CADPS: variants seen among roughly 807,000 people sequenced by gnomAD.
CADPS encodes calcium-dependent secretion activator 1.
A neutral mutation model predicts 167.3 loss-of-function variants in CADPS; 57 were observed. The ratio of observed to expected loss-of-function variants is 0.34; its 90% CI spans 0.28 to 0.42. CADPS has a LOEUF of 0.42. Ranked by LOEUF, CADPS falls within the 20% of genes least tolerant of loss-of-function variation. CADPS has a pLI of 1.00. For synonymous variants in CADPS, 676 were observed against 635.3 expected (o/e 1.06, Z -0.96); for missense variants, 1,414 against 1,738.1 (o/e 0.81, Z 3.32).
intron 1 of CADPS, among the ~76,000 whole-genome samples, chr3:62,843,250 TTAA>T (rs1342003420): frequency 6.6e-6 from 1 of 152,188 alleles, no homozygotes; most frequent in Non-Finnish European, 1.5e-5. Flanking sequence ...TCAGTGAAGG[TTAA>T]TAATATTAAA....
intron 3 of CADPS, among the ~76,000 whole-genome samples, chr3:62,737,009 C>T (rs779912774): frequency 9.9e-5 from 15 of 151,760 alleles, no homozygotes; most frequent in African/African-American, 1.5e-4. Context: ...CATGGTGGCA[C>T]GTGCTGTAGT....
chr3:62,631,778 C>T (rs2065318938), intron 6 of CADPS, among the ~76,000 whole-genome samples: 1 of 152,100 alleles, frequency 6.6e-6, no homozygotes, highest in Admixed American at 6.5e-5. Flanking sequence ...TAATTCCAGG[C>T]TCATATTTAA....
Position 62,768,126 on chromosome 3 carries a change from T to C in CADPS, c.442-2142A>G, listed in dbSNP as rs117859787. Reference sequence around the variant, plus strand: ...GCAGAGCACATATTGATATGTGAAATTGAAGAGAAAATCACAGTTATTTTT... The same window carrying C: ...GCAGAGCACATATTGATATGTGAAACTGAAGAGAAAATCACAGTTATTTTT... On this transcript the variant is annotated intron_variant, in intron 1 of 29. Coordinates refer to ENST00000383710, the MANE Select transcript of CADPS (RefSeq NM_003716.4). Among the ~76,000 whole-genome samples the C allele has an allele frequency of 5.7e-3, 873 of 152,306 alleles. 26 individuals are homozygous for C. In the East Asian group the frequency reaches 0.091, roughly 16 times the overall value.
rs967893008 is a variant in CADPS at position 62,842,863 on chromosome 3, T to G, written c.441+31726A>C. 3.3e-5 allele frequency among the ~76,000 whole-genome samples: 5 copies of G among 152,346 alleles called. No homozygotes were observed. In the East Asian group the frequency reaches 9.6e-4, roughly 29 times the overall value. On this transcript the variant is annotated intron_variant, in intron 1 of 29. Coordinates refer to ENST00000383710, the MANE Select transcript of CADPS (RefSeq NM_003716.4). Reference sequence around the variant, plus strand: ...TAATCATTTTCATGATATATATGATTAATGGTACTTATGCAAACATATCTG... The same window carrying G: ...TAATCATTTTCATGATATATATGATGAATGGTACTTATGCAAACATATCTG...
At chr3:62,586,658 G>A (rs1047438177) in intron 7 of CADPS, among the ~76,000 whole-genome samples, 35 of 152,132 alleles carry the variant, frequency 2.3e-4, no homozygotes, top group Non-Finnish European at 4.4e-5. Context: ...TCTTCCCACT[G>A]TCTTATGACA....
intron 17 of CADPS, among the ~76,000 whole-genome samples, chr3:62,510,391 C>T (rs894511367): frequency 6.6e-6 from 1 of 152,108 alleles, no homozygotes; most frequent in Non-Finnish European, 1.5e-5. Flanking sequence ...AAGTATTTAG[C>T]CAAGAACTGA....
chr3:62,504,371 T>C (rs2066266967), intron 17 of CADPS, among the ~76,000 whole-genome samples: 2 of 152,374 alleles, frequency 1.3e-5, no homozygotes, highest in South Asian at 4.1e-4. Context: ...TTTCTGGTAA[T>C]CCATCCTCAT....
At chr3:62,463,280 T>A (rs1019399107) in intron 26 of CADPS, among the ~76,000 whole-genome samples, 3 of 152,172 alleles carry the variant, frequency 2.0e-5, no homozygotes, top group African/African-American at 7.2e-5. Context: ...CCTTGGTGGA[T>A]TGAATTCTGC....
chr3:62,518,334 A>G (rs1014849673), intron 13 of CADPS, 84 bp from the exon 14 acceptor site: 58 of 1,012,884 alleles, frequency 5.7e-5, no homozygotes, highest in African/African-American at 1.9e-4. Flanking sequence ...GAAACTGTCC[A>G]TTTTAGAAGA....
chr3:62,503,315 C>G (rs1288096847), intron 17 of CADPS, among the ~76,000 whole-genome samples: 1 of 152,226 alleles, frequency 6.6e-6, no homozygotes, highest in Non-Finnish European at 1.5e-5. Context: ...GCATCTGCTA[C>G]TTGAACCTCT....
intron 1 of CADPS, among the ~76,000 whole-genome samples, chr3:62,861,267 CAGGGGCAT>C (rs1577495288): frequency 1.3e-5 from 2 of 152,248 alleles, no homozygotes; most frequent in East Asian, 3.9e-4. Context: ...TTTGCACCTG[CAGGGGCAT>C]ATCAGAATAT....
intron 27 of CADPS, among the ~76,000 whole-genome samples, chr3:62,441,643 T>C (rs563475961): frequency 2.6e-5 from 4 of 152,350 alleles, no homozygotes; most frequent in African/African-American, 9.6e-5. Flanking sequence ...TTAAATGTTC[T>C]AACAAAAACC....
At chr3:62,542,138 C>A (rs780577872) in intron 11 of CADPS, among the ~76,000 whole-genome samples, 1 of 152,060 alleles carries the variant, frequency 6.6e-6, no homozygotes, top group Non-Finnish European at 1.5e-5. Context: ...CTGAAAGAGG[C>A]TCTTCTCTCT....
Position 62,651,031 on chromosome 3 carries a change from A to G in CADPS, c.1019T>C (p.Ile340Thr), listed in dbSNP as rs1188760041. The G allele has an allele frequency of 6.2e-6, 10 of 1,614,052 alleles. No homozygotes were observed. The highest frequency in any genetic ancestry group is 8.5e-6 in the Non-Finnish European group (10 of 1,179,958). The change falls in exon 5 of 30, where the codon ATT (isoleucine) becomes ACT (threonine). Residue 340 changes from isoleucine to threonine, a missense_variant. Physicochemically the swap from Ile to Thr is moderately conservative, Grantham distance 89. Transcript: ENST00000383710. ...FVSKEMENMY[I>T]EELKSSVNLL... Reference sequence around the variant, plus strand: ...GTTGACAGATGACTTCAGCTCCTCAATGTACATGTTTTCCATTTCTTTGGA... The same window carrying G: ...GTTGACAGATGACTTCAGCTCCTCAGTGTACATGTTTTCCATTTCTTTGGA...
chr3:62,531,954 T>C (rs2073791273), intron 13 of CADPS, among the ~76,000 whole-genome samples: 1 of 152,202 alleles, frequency 6.6e-6, no homozygotes, highest in Non-Finnish European at 1.5e-5. Flanking sequence ...GTCAGGAGAC[T>C]TGACGTTCTG....
chr3:62,535,758 C>T (rs1424607635), intron 12 of CADPS, among the ~76,000 whole-genome samples: 1 of 151,900 alleles, frequency 6.6e-6, no homozygotes, highest in Non-Finnish European at 1.5e-5. Context: ...AAAAATGTAT[C>T]TTCAGAAATC....
intron 1 of CADPS, among the ~76,000 whole-genome samples, chr3:62,847,303 G>C (rs1229741992): frequency 8.2e-6 from 1 of 121,542 alleles, no homozygotes; most frequent in Non-Finnish European, 1.7e-5. Context: ...TATACTTTAA[G>C]TTTTAGGGTA....
rs568192721 is a variant in CADPS at position 62,676,960 on chromosome 3, G to A, written c.889-14566C>T. 9.7e-4 allele frequency among the ~76,000 whole-genome samples: 147 copies of A among 152,252 alleles called. 1 individual carries two copies. The highest frequency in any genetic ancestry group is 3.1e-3 in the African/African-American group (130 of 41,566). ...ATGCTCCTGATAGGAAGTCAGACAT[G>A]CACCCTAAGAGGAGAAAATTCTGAA... On this transcript the variant is annotated intron_variant, in intron 3 of 29. Coordinates refer to ENST00000383710, the MANE Select transcript of CADPS (RefSeq NM_003716.4).
intron 3 of CADPS, among the ~76,000 whole-genome samples, chr3:62,735,337 A>C (rs1457826487): frequency 1.4e-5 from 2 of 146,332 alleles, no homozygotes; most frequent in African/African-American, 5.3e-5. Flanking sequence ...AGTATTAAGA[A>C]ATGTAAGAAA....
Sources: gnomAD v4.1 joint callset for allele counts (sites outside exome capture counted in the v4.1 genomes callset) on GRCh38, gnomAD v4.1.1 for gene constraint, MANE v1.5 for transcripts, NCBI Gene and HGNC (gene_info 2026-07-23, HGNC 2026-07-21) for gene names.